The following DNAJC12 variants were observed in gnomAD, a reference collection of about 807,000 sequenced individuals.
DNAJC12 encodes the protein DnaJ heat shock protein family (Hsp40) member C12.
A neutral mutation model predicts 28.5 loss-of-function variants in DNAJC12; 25 were observed. The observed-to-expected ratio is 0.88, with a 90% confidence interval of 0.64 to 1.22. The LOEUF (loss-of-function observed/expected upper bound fraction) is 1.22. Ranked by LOEUF, DNAJC12 falls within the 50% of genes most tolerant of loss-of-function variation. The pLI, the probability that DNAJC12 is intolerant of heterozygous loss-of-function variation, is 0.00. For synonymous variants in DNAJC12, 77 were observed against 80.6 expected (o/e 0.95, Z 0.24); for missense variants, 222 against 231.7 (o/e 0.96, Z 0.27).
chr10:67,829,224 G>C (rs374344844), intron 1 of DNAJC12, among the ~76,000 whole-genome samples: 10 of 152,222 alleles, frequency 6.6e-5, no homozygotes, highest in African/African-American at 2.4e-4. Flanking sequence ...ACAACAAAGA[G>C]ACAGAGAAGC....
intron 4 of DNAJC12, among the ~76,000 whole-genome samples, chr10:67,801,836 C>CT (rs577511924): frequency 0.027 from 714 of 26,108 alleles, 250 homozygotes; most frequent in Non-Finnish European, 0.034. Context: ...CCACTTCATT[C>CT]TTTTTTTTTT....
At chr10:67,808,595 C>T (rs1841826924) in intron 3 of DNAJC12, 1 of 151,752 alleles carries the variant, frequency 6.6e-6, no homozygotes, top group South Asian at 2.1e-4. Flanking sequence ...GTTCGCGAAG[C>T]ATTCCATTAA....
intron 3 of DNAJC12, chr10:67,811,157 A>C (rs1370341139): frequency 4.7e-6 from 2 of 425,410 alleles, no homozygotes; most frequent in African/African-American, 4.2e-5. Flanking sequence ...GCAAGCTGAC[A>C]TAAACTAAAA....
chr10:67,835,621 C>T (rs1172048979), intron 1 of DNAJC12, among the ~76,000 whole-genome samples: 3 of 151,306 alleles, frequency 2.0e-5, no homozygotes, highest in African/African-American at 4.9e-5. Flanking sequence ...ACCTGGGAGG[C>T]GGAGGTTGCA....
chr10:67,811,673 A>G lies in DNAJC12; in HGVS notation c.158-10T>C, dbSNP rs1424710262. On this transcript the variant is annotated splice_polypyrimidine_tract_variant and intron_variant, in intron 2 of 4. Coordinates refer to ENST00000225171, the MANE Select transcript of DNAJC12 (RefSeq NM_021800.3). ...TTCTGAAAAGTCTCCACTGGAAAAC[A>G]AATCAAGAAATGAGCACTTCTCTCT... 34 of 1,609,164 alleles carry G rather than the reference A, an allele frequency of 2.1e-5. No individual in the cohort carries two copies. The highest frequency in any genetic ancestry group is 2.5e-5 in the Non-Finnish European group (30 of 1,177,514).
intron 4 of DNAJC12, among the ~76,000 whole-genome samples, chr10:67,798,921 C>T (rs1841708540): frequency 2.0e-5 from 3 of 151,988 alleles, no homozygotes; most frequent in Admixed American, 1.3e-4. Context: ...TGAGCCACCA[C>T]ACCCGGCTAA....
At chr10:67,823,511 G>A in intron 1 of DNAJC12, 119 bp from the exon 2 acceptor site, 1 of 745,630 alleles carries the variant, frequency 1.3e-6, no homozygotes, top group South Asian at 1.6e-5. Context: ...GACCAGCCTG[G>A]ACAACAAAGC....
intron 3 of DNAJC12, among the ~76,000 whole-genome samples, chr10:67,809,552 A>G (rs1046399920): frequency 6.6e-6 from 1 of 152,226 alleles, no homozygotes; most frequent in African/African-American, 2.4e-5. Flanking sequence ...ATAAGTAGGT[A>G]GTAAAGTGAC....
At chr10:67,813,113 G>C (rs961778479) in intron 2 of DNAJC12, among the ~76,000 whole-genome samples, 1 of 152,184 alleles carries the variant, frequency 6.6e-6, no homozygotes, top group African/African-American at 2.4e-5. Flanking sequence ...ATTAGATCAT[G>C]AGGGTGGAAC....
intron 1 of DNAJC12, among the ~76,000 whole-genome samples, chr10:67,828,907 T>C (rs776047747): frequency 2.6e-5 from 4 of 152,124 alleles, no homozygotes; most frequent in African/African-American, 4.8e-5. Flanking sequence ...GTTCCCTTTC[T>C]AGTCTCATGC....
chr10:67,835,819 T>C (rs1366814497), intron 1 of DNAJC12, among the ~76,000 whole-genome samples: 1 of 152,010 alleles, frequency 6.6e-6, no homozygotes, highest in Non-Finnish European at 1.5e-5. Flanking sequence ...CTAGATATGA[T>C]ATGCCATTGA....
At chr10:67,800,066 A>T (rs188552269) in intron 4 of DNAJC12, among the ~76,000 whole-genome samples, 20 of 151,658 alleles carry the variant, frequency 1.3e-4, no homozygotes, top group African/African-American at 4.1e-4. Context: ...CCCCATCTCT[A>T]TAAAAAATTA....
intron 2 of DNAJC12, among the ~76,000 whole-genome samples, chr10:67,821,306 C>T (rs950402272): frequency 3.9e-5 from 6 of 151,936 alleles, no homozygotes; most frequent in African/African-American, 1.4e-4. Flanking sequence ...CACCTGAGGA[C>T]GGGAGTTTGA....
intron 4 of DNAJC12, among the ~76,000 whole-genome samples, chr10:67,802,976 G>T (rs993963621): frequency 2.0e-5 from 3 of 151,124 alleles, no homozygotes; most frequent in Non-Finnish European, 2.9e-5. Flanking sequence ...CAAGTAACGG[G>T]ATTACAGGCA....
rs1842077264 is a variant in DNAJC12 at position 67,829,995 on chromosome 10, T to C, written c.79-6603A>G. Among the ~76,000 whole-genome samples, 3 of 151,966 alleles carry C rather than the reference T, an allele frequency of 2.0e-5. No homozygotes were observed. In the South Asian group the frequency reaches 6.2e-4, roughly 32 times the overall value. On this transcript the variant is annotated intron_variant, in intron 1 of 4. Transcript: ENST00000225171. ...AAGGGATTATGTAACTATATATGTATATAATAATGATAATTATTATCATTT... is the reference window on the plus strand; with the variant it reads ...AAGGGATTATGTAACTATATATGTACATAATAATGATAATTATTATCATTT...
intron 2 of DNAJC12, among the ~76,000 whole-genome samples, chr10:67,820,777 C>CTTTT (rs71006170): frequency 1.5e-5 from 1 of 68,528 alleles, no homozygotes; most frequent in Admixed American, 2.0e-4. Flanking sequence ...TTCTTTTTTC[C>CTTTT]TTTTTTTTTT....
At chr10:67,817,143 A>G (rs759756564) in intron 2 of DNAJC12, among the ~76,000 whole-genome samples, 2 of 152,184 alleles carry the variant, frequency 1.3e-5, no homozygotes, top group East Asian at 1.9e-4. Flanking sequence ...GGGCTGCTAC[A>G]TAAAACAAGG....
chr10:67,814,085 C>G (rs917845951), intron 2 of DNAJC12, among the ~76,000 whole-genome samples: 1 of 147,800 alleles, frequency 6.8e-6, no homozygotes, highest in African/African-American at 2.5e-5. Context: ...TTGGAGAATT[C>G]ACACTTCTGA....
chr10:67,797,088 C>G lies in DNAJC12; in HGVS notation c.*28G>C. 8.2e-6 allele frequency: 13 copies of G among 1,584,704 alleles called. No homozygotes were observed. Among genetic ancestry groups the G allele is most frequent in the Non-Finnish European group, 1.0e-5 (12 of 1,155,196 alleles). ...TGGCAGCATAGGGGACAGTCTTGCT[C>G]TTCCTCATTTTTTGAAGCAGAGATA... On this transcript the variant is annotated 3_prime_UTR_variant, in exon 5 of 5. Coordinates refer to ENST00000225171, the MANE Select transcript of DNAJC12 (RefSeq NM_021800.3).
Sources: allele counts gnomAD v4.1 joint callset (sites outside exome capture counted in the v4.1 genomes callset), GRCh38; gene constraint gnomAD v4.1.1; transcripts MANE v1.5; gene names NCBI Gene and HGNC (gene_info 2026-07-23, HGNC 2026-07-21).